Variants in PRKN observed in about 807,000 individuals in gnomAD.
PRKN encodes parkin RBR E3 ubiquitin protein ligase, also known as E3 ubiquitin-protein ligase parkin.
Under a neutral mutation model 59.5 loss-of-function variants are expected in PRKN, and 56 were observed. That is an observed-to-expected ratio of 0.94 (90% confidence interval 0.76 to 1.18). The LOEUF (loss-of-function observed/expected upper bound fraction) is 1.18. Ranked by LOEUF, PRKN falls within the 50% of genes most tolerant of loss-of-function variation. The pLI is 0.00. For synonymous variants in PRKN, 250 were observed against 222.1 expected, an observed-to-expected ratio of 1.13 and a Z score of -1.12; for missense variants, 657 against 596.4, an observed-to-expected ratio of 1.10 and a Z score of -1.06.
At chr6:162,665,484 A>T (rs1779065762) in intron 1 of PRKN, among the ~76,000 whole-genome samples, 2 of 152,084 alleles carry the variant, frequency 1.3e-5, no homozygotes, top group African/African-American at 4.8e-5. Flanking sequence ...AAGGGATGTG[A>T]AGGACCTCTT....
chr6:161,369,361 G>A lies in PRKN; in HGVS notation c.1168-9156C>T, dbSNP rs1255035075. Among the ~76,000 whole-genome samples the A allele has an allele frequency of 2.0e-5, 3 of 152,138 alleles. No individual in the cohort carries two copies. Among genetic ancestry groups the A allele is most frequent in the South Asian group, 2.1e-4 (1 of 4,830 alleles). ...CCCTAAAAATGCCCTAAGGGGTTGC[G>A]AGGGGCGGGAGGTTTGGGAACCATT... On this transcript the variant is annotated intron_variant, in intron 10 of 11. Coordinates refer to ENST00000366898, the MANE Select transcript of PRKN (RefSeq NM_004562.3). This position sits in a 1 kb window ranked among gnomAD's most constrained non-coding sequence, Gnocchi z 5.8.
chr6:162,413,499 G>C (rs780759305), intron 2 of PRKN, among the ~76,000 whole-genome samples: 1 of 152,168 alleles, frequency 6.6e-6, no homozygotes. Flanking sequence ...AGGTATTACT[G>C]ACAAAATGAA....
intron 4 of PRKN, among the ~76,000 whole-genome samples, chr6:162,120,206 G>A (rs1399083384): frequency 6.6e-6 from 1 of 152,156 alleles, no homozygotes; most frequent in Non-Finnish European, 1.5e-5. Flanking sequence ...GTTTCACCCT[G>A]TTGCTAAGGC....
chr6:162,533,595 C>T lies in PRKN; in HGVS notation c.8-90122G>A, dbSNP rs534553798. On this transcript the variant is annotated intron_variant, in intron 1 of 11. Transcript: ENST00000366898. ...GCATTACAAAGGGGATGAGTGAAAACAGGCTGGCTTCAAATGCGGGTTTTA... is the reference window on the plus strand; with the variant it reads ...GCATTACAAAGGGGATGAGTGAAAATAGGCTGGCTTCAAATGCGGGTTTTA... Among the ~76,000 whole-genome samples the T allele has an allele frequency of 6.6e-5, 10 of 152,246 alleles. No individual in the cohort carries two copies. The South Asian group carries it at 2.1e-3, about 32-fold the overall frequency.
intron 9 of PRKN, among the ~76,000 whole-genome samples, chr6:161,486,370 T>C (rs1791643239): frequency 6.6e-6 from 1 of 152,244 alleles, no homozygotes; most frequent in African/African-American, 2.4e-5. Context: ...ATGTTGTTTT[T>C]GTTTCTAAAT....
At chr6:161,716,690 A>G (rs1332910972) in intron 7 of PRKN, among the ~76,000 whole-genome samples, 2 of 152,212 alleles carry the variant, frequency 1.3e-5, no homozygotes, top group Non-Finnish European at 2.9e-5. Context: ...GAGAACAATT[A>G]TCAGGAAATC....
intron 7 of PRKN, among the ~76,000 whole-genome samples, chr6:161,616,409 CT>C (rs75076099): frequency 0.19 from 27,412 of 143,222 alleles, 3,052 homozygotes; most frequent in East Asian, 0.51. Context: ...TCCATGTGTT[CT>C]TTTTTTTTTT....
At chr6:161,610,725 G>A (rs976701630) in intron 7 of PRKN, among the ~76,000 whole-genome samples, 1 of 152,098 alleles carries the variant, frequency 6.6e-6, no homozygotes, top group African/African-American at 2.4e-5. Flanking sequence ...GTGGAGGAAG[G>A]TCTGGGGGAG....
At chr6:161,600,569 C>T (rs1782070332) in intron 7 of PRKN, among the ~76,000 whole-genome samples, 2 of 152,076 alleles carry the variant, frequency 1.3e-5, no homozygotes, top group South Asian at 2.1e-4. Context: ...TAATATACTC[C>T]GTATACAATA....
chr6:161,895,358 G>A (rs771833271), intron 6 of PRKN, among the ~76,000 whole-genome samples: 2 of 152,308 alleles, frequency 1.3e-5, no homozygotes, highest in African/African-American at 2.4e-5. Flanking sequence ...CAGAACTAGA[G>A]CCTGCTAACC....
chr6:161,743,397 T>C (rs970866744), intron 7 of PRKN, among the ~76,000 whole-genome samples: 6 of 148,342 alleles, frequency 4.0e-5, no homozygotes, highest in African/African-American at 1.5e-4. Context: ...TTTATTTATT[T>C]ATTTATTTAT....
intron 1 of PRKN, among the ~76,000 whole-genome samples, chr6:162,463,094 C>CA (rs1491442067): frequency 2.9e-5 from 4 of 139,510 alleles, no homozygotes; most frequent in East Asian, 2.1e-4. Flanking sequence ...AAATTAAAAA[C>CA]GAAAAAAAAA....
At chr6:162,654,426 T>A (rs1054784106) in intron 1 of PRKN, among the ~76,000 whole-genome samples, 16 of 152,344 alleles carry the variant, frequency 1.1e-4, no homozygotes, top group African/African-American at 3.8e-4. Flanking sequence ...TGAACCCATG[T>A]TACCTGCCTG....
rs540729773 is a variant in PRKN at position 161,622,453 on chromosome 6, C to T, written c.872-53037G>A. 5.3e-5 allele frequency among the ~76,000 whole-genome samples: 8 copies of T among 152,274 alleles called. No homozygotes were observed. In the South Asian group the frequency reaches 1.7e-3, roughly 32 times the overall value. ...TCTGGGAGCTGTGCCCAGGCATTCT[C>T]TACCTGAAGCCACTGTGCTCCTGCC... On this transcript the variant is annotated intron_variant, in intron 7 of 11. Transcript: ENST00000366898.
chr6:161,571,918 T>C (rs563004676), intron 7 of PRKN, among the ~76,000 whole-genome samples: 8 of 152,316 alleles, frequency 5.3e-5, no homozygotes, highest in African/African-American at 1.9e-4. Context: ...AAAGATCAGA[T>C]TTCCTGGTTC....
intron 6 of PRKN, among the ~76,000 whole-genome samples, chr6:161,956,790 G>A (rs1023797909): frequency 6.6e-6 from 1 of 152,110 alleles, no homozygotes; most frequent in Admixed American, 6.6e-5. Flanking sequence ...GTGTGATGGA[G>A]TCATCCTATT....
intron 1 of PRKN, among the ~76,000 whole-genome samples, chr6:162,470,995 A>G (rs75803316): frequency 0.082 from 12,416 of 151,782 alleles, 1,481 homozygotes; most frequent in African/African-American, 0.26. Flanking sequence ...TCCTGACCTT[A>G]GGTGATCGGC....
chr6:161,516,826 CAAAAAAAAAAA>C (rs369136348), intron 9 of PRKN, among the ~76,000 whole-genome samples: 8 of 63,210 alleles, frequency 1.3e-4, no homozygotes, highest in Admixed American at 6.5e-4. Flanking sequence ...GACTCAATCT[CAAAAAAAAAAA>C]AAAAAAAAAA....
At position 161,706,660 on chromosome 6, in the gene PRKN, C is replaced by G. The variant is rs192496075; in HGVS notation, c.871+79112G>C. ...TGCGGTGGCGCAATCTCGGTTGAAG[C>G]AATTCTCCTGTCTCAGCCTCCTGAG... On this transcript the variant is annotated intron_variant, in intron 7 of 11. Coordinates refer to ENST00000366898, the MANE Select transcript of PRKN (RefSeq NM_004562.3). Among the ~76,000 whole-genome samples the G allele has an allele frequency of 1.2e-3, 184 of 152,222 alleles. 1 individual carries two copies. The highest frequency in any genetic ancestry group is 6.8e-3 in the Middle Eastern group (2 of 294).
Sources: gnomAD v4.1 joint callset for allele counts (sites outside exome capture counted in the v4.1 genomes callset) on GRCh38, gnomAD v4.1.1 for gene constraint, Gnocchi (gnomAD v3.1) non-coding constraint, MANE v1.5 for transcripts, NCBI Gene and HGNC (gene_info 2026-07-23, HGNC 2026-07-21) for gene names.